The following DOT1L variants were observed in gnomAD, a reference collection of about 807,000 sequenced individuals.
DOT1L encodes the protein DOT1 like histone lysine methyltransferase.
In DOT1L, 33 loss-of-function variants were observed where a neutral mutation model predicts 153.3. The ratio of observed to expected loss-of-function variants is 0.22; its 90% CI spans 0.16 to 0.29. The LOEUF (loss-of-function observed/expected upper bound fraction) is 0.29, where lower values mean the gene tolerates loss of function less well. Ranked by LOEUF, DOT1L falls within the 10% of genes least tolerant of loss-of-function variation. The probability of loss-of-function intolerance (pLI) is 1.00; values close to 1 mark genes in which losing one functional copy is unlikely to be tolerated. For synonymous variants in DOT1L, 1,135 were observed against 965.1 expected (o/e 1.18, Z -3.26); for missense variants, 1,847 against 2,119.9 (o/e 0.87, Z 2.53).
intron 7 of DOT1L, among the ~76,000 whole-genome samples, chr19:2,199,108 G>A (rs2023140586): frequency 6.6e-6 from 1 of 152,234 alleles, no homozygotes; most frequent in African/African-American, 2.4e-5. Context: ...GAAAGGCGGT[G>A]TCTTGATTGT....
chr19:2,223,558 G>C (rs1368038931), intron 25 of DOT1L, 72 bp downstream of exon 25: 2 of 323,442 alleles, frequency 6.2e-6, no homozygotes, highest in Non-Finnish European at 1.2e-5. Context: ...CTGTGTGTGT[G>C]TGGGTGGGTG....
At chr19:2,214,371 C>A in intron 18 of DOT1L, 100 bp from the exon 19 acceptor site, 1 of 1,530,072 alleles carries the variant, frequency 6.5e-7, no homozygotes, top group Non-Finnish European at 8.8e-7. Context: ...AGCACACATG[C>A]TGTTGGCTGA....
At position 2,227,063 on chromosome 19, in the gene DOT1L, C is replaced by T. The variant is rs1247166044; in HGVS notation, c.4542C>T (p.Ala1514=). 1 of 1,572,770 alleles carries T rather than the reference C, an allele frequency of 6.4e-7. No individual in the cohort carries two copies. Among genetic ancestry groups the T allele is most frequent in the Non-Finnish European group, 8.6e-7 (1 of 1,164,444 alleles). Residue 1514 remains alanine, a synonymous_variant, in exon 27 of 28, where the codon GCC becomes GCT. Coordinates refer to ENST00000398665, the MANE Select transcript of DOT1L (RefSeq NM_032482.3). ...GCCTGGTGCACGTGTCGTCCGCTGCCACCAGACTGACCAACTCGCACGCCA... is the reference window on the plus strand; with the variant it reads ...GCCTGGTGCACGTGTCGTCCGCTGCTACCAGACTGACCAACTCGCACGCCA... ...AAGLVHVSSA[A]TRLTNSHAMG...
chr19:2,203,247 A>G (rs930301643), intron 9 of DOT1L, among the ~76,000 whole-genome samples: 1 of 152,170 alleles, frequency 6.6e-6, no homozygotes, highest in Non-Finnish European at 1.5e-5. Flanking sequence ...TTACAGGCAC[A>G]TGCCACCATG....
Position 2,229,830 on chromosome 19 carries a change from T to C in DOT1L, c.*38T>C. Reference sequence around the variant, plus strand: ...AACCGCGAGACCTATGCAAGGACGGTGTGGACCAACTCGCGCCCGCGGCAT... The same window carrying C: ...AACCGCGAGACCTATGCAAGGACGGCGTGGACCAACTCGCGCCCGCGGCAT... On this transcript the variant is annotated 3_prime_UTR_variant, in exon 28 of 28. Transcript: ENST00000398665. 1.9e-6 allele frequency: 3 copies of C among 1,612,896 alleles called. No individual in the cohort carries two copies. The highest frequency in any genetic ancestry group is 2.5e-6 in the Non-Finnish European group (3 of 1,179,900).
chr19:2,194,805 C>T (rs2022949316), intron 7 of DOT1L, among the ~76,000 whole-genome samples: 1 of 152,164 alleles, frequency 6.6e-6, no homozygotes, highest in Non-Finnish European at 1.5e-5. Context: ...TGGCTTCTGT[C>T]CCTCGGCAGC....
chr19:2,222,131 C>T lies in DOT1L; in HGVS notation c.2962C>T (p.Pro988Ser), dbSNP rs778511604. 1.9e-6 allele frequency: 3 copies of T among 1,613,226 alleles called. No individual in the cohort carries two copies. The highest frequency in any genetic ancestry group is 2.5e-6 in the Non-Finnish European group (3 of 1,179,900). The change falls in exon 24 of 28, where the codon CCC becomes TCC. Residue 988 changes from proline (P) to serine (S), a missense_variant. By Grantham distance (74) the Pro-to-Ser change is moderately conservative. Coordinates refer to ENST00000398665, the MANE Select transcript of DOT1L (RefSeq NM_032482.3). This position sits in a 1 kb window ranked among gnomAD's most constrained non-coding sequence, Gnocchi z 6.5. ...VGSRSSTPQH[P>S]LLLAQPRNSL... ...GTCCCGCAGCTCCACGCCACAGCAC[C>T]CCCTGCTGCTGGCACAGCCCCGGAA...
chr19:2,203,741 T>C (rs2023384446), intron 9 of DOT1L, among the ~76,000 whole-genome samples: 1 of 152,196 alleles, frequency 6.6e-6, no homozygotes, highest in Non-Finnish European at 1.5e-5. Flanking sequence ...TGCCATTGTC[T>C]CCCAGCCCCT....
intron 5 of DOT1L, among the ~76,000 whole-genome samples, chr19:2,192,988 G>A (rs1013081732): frequency 1.3e-5 from 2 of 152,190 alleles, no homozygotes; most frequent in South Asian, 2.1e-4. Flanking sequence ...CATTGTGGTC[G>A]CTCCATGGTT....
Position 2,210,473 on chromosome 19 carries a change from C to A in DOT1L, c.1079C>A (p.Pro360Gln). ...AACGCGGCCACGCCCACTAAGGGCC[C>A]AGAGGGCAAGGTGGCCGGCCCCGCC... ...KSNAATPTKG[P>Q]EGKVAGPADA... The change falls in exon 13 of 28, where the codon CCA becomes CAA. Residue 360 changes from proline (P) to glutamine (Q), a missense_variant. Transcript: ENST00000398665. 1 of 1,593,330 alleles carries A rather than the reference C, an allele frequency of 6.3e-7. No homozygotes were observed. The highest frequency in any genetic ancestry group is 2.3e-5 in the East Asian group (1 of 44,178).
In DOT1L at chr19:2,231,039, G is replaced by C; in HGVS notation, c.*1247G>C. 4.2e-6 allele frequency: 1 copy of C among 236,046 alleles called. No individual in the cohort carries two copies. Among genetic ancestry groups the C allele is most frequent in the Non-Finnish European group, 8.3e-6 (1 of 120,364 alleles). The allele number at this position is 236,046 out of a possible 1,614,324, so 14.6% of individuals were successfully genotyped here. On this transcript the variant is annotated 3_prime_UTR_variant, in exon 28 of 28. Transcript: ENST00000398665. Reference sequence around the variant, plus strand: ...CACTCTGCAGCCTTGGCGGGTGCCTGGGACTGGGTGTGGAAGGAGAGGAGC... The same window carrying C: ...CACTCTGCAGCCTTGGCGGGTGCCTCGGACTGGGTGTGGAAGGAGAGGAGC...
At chr19:2,221,898 AG>A (rs1209663124) in intron 23 of DOT1L, 77 bp from the exon 24 acceptor site, 2 of 1,395,470 alleles carry the variant, frequency 1.4e-6, no homozygotes, top group Non-Finnish European at 1.9e-6. Flanking sequence ...CAGAGCTCCT[AG>A]GGGGTGGTGC....
In DOT1L at chr19:2,222,216, C is replaced by T. The variant is rs776688411; in HGVS notation, c.3047C>T (p.Ala1016Val). The T allele has an allele frequency of 6.2e-7, 1 of 1,612,996 alleles. No individual in the cohort carries two copies. Among genetic ancestry groups the T allele is most frequent in the African/African-American group, 1.3e-5 (1 of 74,934 alleles). ...TCCAGTCCCCGGCTTGGTGGGGCCG[C>T]CCAGGGCCCGTTGCCCGAGGCCAGC... ...LSSSPRLGGAAQGPLPEASKG... is the reference protein window; with the variant it reads ...LSSSPRLGGAVQGPLPEASKG... The change falls in exon 24 of 28, where the codon GCC becomes GTC. Residue 1016 changes from alanine to valine, a missense_variant. Coordinates refer to ENST00000398665, the MANE Select transcript of DOT1L (RefSeq NM_032482.3). The surrounding 1 kb of genome is among the most constrained non-coding windows in gnomAD (Gnocchi z 6.5).
intron 27 of DOT1L, chr19:2,227,438 C>G (rs899338408): frequency 1.1e-5 from 7 of 611,066 alleles, no homozygotes; most frequent in Admixed American, 8.7e-5. Flanking sequence ...GCCGCCCGGG[C>G]TCTGGCAAGG....
chr19:2,184,257 G>A (rs1240124174), intron 2 of DOT1L, among the ~76,000 whole-genome samples: 1 of 152,128 alleles, frequency 6.6e-6, no homozygotes, highest in Non-Finnish European at 1.5e-5. Flanking sequence ...TGCATTGTGA[G>A]GTCCCCTGCC....
intron 2 of DOT1L, among the ~76,000 whole-genome samples, chr19:2,184,755 C>G (rs1363001265): frequency 2.0e-5 from 3 of 152,222 alleles, no homozygotes; most frequent in Non-Finnish European, 4.4e-5. Context: ...CCACACGGGG[C>G]TGCTCAGATC....
chr19:2,164,510 G>A, intron 1 of DOT1L: 1 of 308,524 alleles, frequency 3.2e-6, no homozygotes, highest in Non-Finnish European at 5.9e-6. Flanking sequence ...CCCTACCGCG[G>A]TGCCGTTGCC....
At position 2,193,619 on chromosome 19, in the gene DOT1L, C is replaced by T. The variant is rs2022891784; in HGVS notation, c.494-70C>T. 2.0e-6 allele frequency: 3 copies of T among 1,505,550 alleles called. No individual in the cohort carries two copies. The highest frequency in any genetic ancestry group is 1.7e-5 in the Admixed American group (1 of 57,668). The allele number at this position is 1,505,550 out of a possible 1,614,324, so 93.3% of individuals were successfully genotyped here. ...GCCGCATTCTTGTGGCCTCTGTCTC[C>T]GAGCCTAGCACGGCCTCCCGGGTGG... is the stretch of plus-strand genomic sequence containing the variant. On this transcript the variant is annotated intron_variant, in intron 5 of 27. Coordinates refer to ENST00000398665, the MANE Select transcript of DOT1L (RefSeq NM_032482.3). The surrounding 1 kb of genome is among the most constrained non-coding windows in gnomAD (Gnocchi z 5.9).
chr19:2,196,058 C>T (rs188073307), intron 7 of DOT1L, among the ~76,000 whole-genome samples: 5 of 152,382 alleles, frequency 3.3e-5, no homozygotes, highest in Admixed American at 3.3e-4. Flanking sequence ...CAGCCAGGGC[C>T]TTCCTCGGAT....
Sources: allele counts gnomAD v4.1 joint callset (sites outside exome capture counted in the v4.1 genomes callset), GRCh38; gene constraint gnomAD v4.1.1; non-coding constraint Gnocchi (gnomAD v3.1); transcripts MANE v1.5; gene names NCBI Gene and HGNC (gene_info 2026-07-23, HGNC 2026-07-21).